Variants in TTC21B observed in about 807,000 individuals in gnomAD.
TTC21B encodes the protein tetratricopeptide repeat protein 21B.
A neutral mutation model predicts 175.1 loss-of-function variants in TTC21B; 127 were observed. The observed-to-expected ratio is 0.73, with a 90% CI of 0.63 to 0.84. The LOEUF (loss-of-function observed/expected upper bound fraction) is 0.84, where lower values mean the gene tolerates loss of function less well. TTC21B is among the 40% of genes least tolerant of loss of function. The pLI is 0.00. For missense variants in TTC21B, 1,561 were observed against 1,558.3 expected (o/e 1.00, Z -0.03); for synonymous variants, 524 against 524.5 (o/e 1.00, Z 0.01).
intron 16 of TTC21B, 135 bp downstream of exon 16, chr2:165,913,439 A>G (rs141635439): frequency 6.3e-6 from 4 of 638,940 alleles, no homozygotes; most frequent in African/African-American, 5.5e-5. Context: ...TTTAAAATGG[A>G]TATCTCCCTT....
intron 20 of TTC21B, among the ~76,000 whole-genome samples, chr2:165,900,836 T>C (rs1176765996): frequency 6.6e-6 from 1 of 151,996 alleles, no homozygotes; most frequent in Non-Finnish European, 1.5e-5. Flanking sequence ...TTAAAACAAT[T>C]TGCAGGTTGC....
chr2:165,940,951 A>C, intron 6 of TTC21B, 76 bp downstream of exon 6: 2 of 1,553,900 alleles, frequency 1.3e-6, no homozygotes. Flanking sequence ...CCTTATGAAA[A>C]AAATTCACAG....
At chr2:165,919,474 A>T in intron 12 of TTC21B, 41 bp from the exon 13 acceptor site, 9 of 1,597,946 alleles carry the variant, frequency 5.6e-6, no homozygotes, top group Non-Finnish European at 7.7e-6. Flanking sequence ...TCAAATGATT[A>T]AGAAATGGAG....
rs563726766 is a variant in TTC21B at position 165,904,540 on chromosome 2, T to C, written c.2569-2630A>G. ...AAATTAATTGCAGAATGCAGAACTC[T>C]TCTGGGTACACAGGAATCTAGTCAA... is the stretch of plus-strand genomic sequence containing the variant. On this transcript the variant is annotated intron_variant, in intron 19 of 28. Transcript: ENST00000243344. Among the ~76,000 whole-genome samples the C allele has an allele frequency of 2.0e-5, 3 of 152,342 alleles. No homozygotes were observed. In the East Asian group the frequency reaches 5.8e-4, roughly 29 times the overall value.
rs1052028944 is a variant in TTC21B, at chr2:165,918,464, T to A, written c.1674+812A>T. Among the ~76,000 whole-genome samples the A allele has an allele frequency of 1.1e-4, 16 of 152,132 alleles. No individual in the cohort carries two copies. In the East Asian group the frequency reaches 3.1e-3, roughly 29 times the overall value. The stretch of plus-strand genomic sequence containing the variant: ...CACCCGCCACCACGCCTGGCTACTT[T>A]TTTTGTATTTTTAGTAGCGACGGGT... On this transcript the variant is annotated intron_variant, in intron 13 of 28. Coordinates refer to ENST00000243344, the MANE Select transcript of TTC21B (RefSeq NM_024753.5).
intron 11 of TTC21B, among the ~76,000 whole-genome samples, chr2:165,925,831 A>T (rs1044222961): frequency 2.0e-5 from 3 of 152,174 alleles, no homozygotes; most frequent in African/African-American, 7.2e-5. Context: ...ATAGATACAG[A>T]GCAAACAGTT....
At chr2:165,936,541 T>A (rs1687154362) in intron 6 of TTC21B, among the ~76,000 whole-genome samples, 1 of 152,068 alleles carries the variant, frequency 6.6e-6, no homozygotes, top group South Asian at 2.1e-4. Context: ...GATATAGATA[T>A]ATCTGATAAA....
chr2:165,878,933 C>T (rs1203730066), intron 27 of TTC21B, among the ~76,000 whole-genome samples: 5 of 152,042 alleles, frequency 3.3e-5, no homozygotes, highest in East Asian at 3.9e-4. Flanking sequence ...TTGCCCACCT[C>T]GGCCTCCCAA....
chr2:165,929,951 A>G (rs1231671473), intron 9 of TTC21B, among the ~76,000 whole-genome samples: 2 of 152,104 alleles, frequency 1.3e-5, no homozygotes, highest in Non-Finnish European at 2.9e-5. Flanking sequence ...CATTTACTGA[A>G]GAATTCATAA....
intron 6 of TTC21B, among the ~76,000 whole-genome samples, chr2:165,937,454 T>C (rs1687192158): frequency 6.6e-6 from 1 of 152,128 alleles, no homozygotes; most frequent in Non-Finnish European, 1.5e-5. Flanking sequence ...TGGGCGCCTA[T>C]AGTGTAAGTT....
rs750987248 is a variant in TTC21B, at chr2:165,945,609, C to G, written c.344G>C (p.Gly115Ala). 8 of 1,613,792 alleles carry G rather than the reference C, an allele frequency of 5.0e-6. No homozygotes were observed. The highest frequency in any genetic ancestry group is 6.8e-6 in the Non-Finnish European group (8 of 1,179,940). Reference protein sequence around the residue: ...GAGEKALYHAGLFLWHIGRHD... With the variant: ...GAGEKALYHAALFLWHIGRHD... ...GCGACCAATGTGCCATAAAAATAAG[C>G]CTGCATGGTATAAGGCTTTCTCTCC... Residue 115 changes from glycine (G) to alanine (A), a missense_variant, in exon 4 of 29, where the codon GGC (glycine) becomes GCC (alanine). Gly to Ala is a moderately conservative substitution (Grantham distance 60). Transcript: ENST00000243344.
At chr2:165,923,587 G>A (rs1686502036) in intron 12 of TTC21B, among the ~76,000 whole-genome samples, 1 of 143,066 alleles carries the variant, frequency 7.0e-6, no homozygotes, top group South Asian at 2.4e-4. Flanking sequence ...TGGGACTATA[G>A]GCGCCTGCCA....
At position 165,953,651 on chromosome 2, in the gene TTC21B, GCCCGCTCACCCGCTCA is replaced by G. The variant is rs59477041; in HGVS notation, c.21+18_21+33del. The G allele has an allele frequency of 1.2e-4, 186 of 1,512,174 alleles. 3 individuals are homozygous for G. The South Asian group carries it at 1.4e-3, about 12-fold the overall frequency. 93.7% of individuals were successfully genotyped at this position (1,512,174 alleles called of 1,614,324 possible). On this transcript the variant is annotated intron_variant, in intron 1 of 28. Transcript: ENST00000243344. ...GGCCGCAAAGGAACTCCGCCCGCCC[GCCCGCTCACCCGCTCA>G]CCCGCTCACCCGCTCACCTTCAATT...
At chr2:165,893,214 T>G (rs1016838448) in intron 22 of TTC21B, among the ~76,000 whole-genome samples, 20 of 152,288 alleles carry the variant, frequency 1.3e-4, no homozygotes, top group African/African-American at 4.8e-4. Flanking sequence ...AATAAAGGCA[T>G]GAAAAATATT....
chr2:165,884,001 C>A lies in TTC21B; in HGVS notation c.3477G>T (p.Ala1159=), dbSNP rs545954417. ...IAASEKEHIP[A]LLGMATAYMI... is the part of the protein sequence containing the mutation. ...TATAAGCCGTTGCCATTCCCAAGAG[C>A]GCTGGGATATGCTCCTTCTATAAGA... is the stretch of plus-strand genomic sequence containing the variant. Residue 1159 remains alanine, a synonymous_variant, in exon 26 of 29, where the codon GCG becomes GCT. Coordinates refer to ENST00000243344, the MANE Select transcript of TTC21B (RefSeq NM_024753.5). 3 of 1,613,968 alleles carry A rather than the reference C, an allele frequency of 1.9e-6. No individual in the cohort carries two copies. Among genetic ancestry groups the A allele is most frequent in the Non-Finnish European group, 1.7e-6 (2 of 1,179,940 alleles).
At chr2:165,921,987 T>C (rs1020053585) in intron 12 of TTC21B, among the ~76,000 whole-genome samples, 2 of 151,912 alleles carry the variant, frequency 1.3e-5, no homozygotes, top group Non-Finnish European at 2.9e-5. Flanking sequence ...TCCCACCCTT[T>C]CCCCTGAGTC....
At chr2:165,923,130 G>A (rs1195561830) in intron 12 of TTC21B, among the ~76,000 whole-genome samples, 2 of 151,990 alleles carry the variant, frequency 1.3e-5, no homozygotes, top group East Asian at 3.9e-4. Flanking sequence ...TTCATATTGG[G>A]TACAATGCAC....
chr2:165,917,552 A>G (rs1033150146), intron 13 of TTC21B, 71 bp from the exon 14 acceptor site: 2 of 1,219,022 alleles, frequency 1.6e-6, no homozygotes, highest in African/African-American at 3.0e-5. Flanking sequence ...TCCATCAAAC[A>G]TTAAAATAAT....
intron 16 of TTC21B, 69 bp from the exon 17 acceptor site, chr2:165,912,693 G>C: frequency 3.7e-6 from 4 of 1,080,150 alleles, no homozygotes. Context: ...AAGGGCAACA[G>C]TTCTATAATT....
Sources: allele counts gnomAD v4.1 joint callset (sites outside exome capture counted in the v4.1 genomes callset), GRCh38; gene constraint gnomAD v4.1.1; transcripts MANE v1.5; gene names NCBI Gene and HGNC (gene_info 2026-07-23, HGNC 2026-07-21).